ST8SIA4: variants seen among roughly 807,000 people sequenced by gnomAD.
The protein encoded by ST8SIA4 is ST8 alpha-N-acetyl-neuraminide alpha-2,8-sialyltransferase 4.
A neutral mutation model predicts 33.9 loss-of-function variants in ST8SIA4; 15 were observed. The ratio of observed to expected loss-of-function variants is 0.44; its 90% CI spans 0.30 to 0.68. The LOEUF (loss-of-function observed/expected upper bound fraction) is 0.68. ST8SIA4 is among the 30% of genes least tolerant of loss of function. The probability of loss-of-function intolerance (pLI) is 0.10; values close to 1 mark genes in which losing one functional copy is unlikely to be tolerated. For synonymous variants in ST8SIA4, 171 were observed against 151.2 expected (o/e 1.13, Z -0.96); for missense variants, 321 against 428.0 (o/e 0.75, Z 2.21).
At chr5:100,877,921 C>T (rs1418895269) in intron 3 of ST8SIA4, among the ~76,000 whole-genome samples, 2 of 152,142 alleles carry the variant, frequency 1.3e-5, no homozygotes, top group African/African-American at 4.8e-5. Flanking sequence ...TTTACTCCTC[C>T]GTCTTTACTA....
intron 3 of ST8SIA4, among the ~76,000 whole-genome samples, chr5:100,871,972 T>C (rs1752205971): frequency 6.6e-6 from 1 of 152,096 alleles, no homozygotes; most frequent in Non-Finnish European, 1.5e-5. Context: ...CTGTATTTTC[T>C]TGTAAAGGTT....
intron 4 of ST8SIA4, among the ~76,000 whole-genome samples, chr5:100,840,484 C>T (rs1007627225): frequency 6.6e-6 from 1 of 151,514 alleles, no homozygotes; most frequent in African/African-American, 2.4e-5. Flanking sequence ...GAAAATGTTC[C>T]CTAATATCAT....
intron 2 of ST8SIA4, among the ~76,000 whole-genome samples, chr5:100,891,300 T>G (rs537661805): frequency 6.6e-6 from 1 of 151,992 alleles, no homozygotes; most frequent in South Asian, 2.1e-4. Context: ...TCACTGTAAA[T>G]TAAGTTAGTA....
intron 4 of ST8SIA4, among the ~76,000 whole-genome samples, chr5:100,824,739 A>G (rs1751102467): frequency 6.6e-6 from 1 of 152,100 alleles, no homozygotes; most frequent in African/African-American, 2.4e-5. Flanking sequence ...AGTTCCTCCA[A>G]TGGCTGCCTA....
chr5:100,858,738 T>A (rs1410978609), intron 3 of ST8SIA4, among the ~76,000 whole-genome samples: 1 of 152,088 alleles, frequency 6.6e-6, no homozygotes, highest in Non-Finnish European at 1.5e-5. Context: ...ATATTTGATT[T>A]AATTAATGAA....
intron 4 of ST8SIA4, among the ~76,000 whole-genome samples, chr5:100,843,357 G>A (rs1751507268): frequency 6.6e-6 from 1 of 151,720 alleles, no homozygotes; most frequent in Non-Finnish European, 1.5e-5. Context: ...TTTATTCTTA[G>A]TTAGAAATAA....
chr5:100,863,640 T>TA (rs1342273072), intron 3 of ST8SIA4, among the ~76,000 whole-genome samples: 15 of 152,064 alleles, frequency 9.9e-5, no homozygotes, highest in Non-Finnish European at 1.8e-4. Flanking sequence ...ATTGCTGAAA[T>TA]AAAAAAATCT....
At chr5:100,896,351 G>A (rs1752779614) in intron 1 of ST8SIA4, among the ~76,000 whole-genome samples, 1 of 152,006 alleles carries the variant, frequency 6.6e-6, no homozygotes, top group Admixed American at 6.6e-5. Flanking sequence ...GTAAAACATA[G>A]AGATAAATAC....
chr5:100,864,622 A>T (rs1195833745), intron 3 of ST8SIA4, among the ~76,000 whole-genome samples: 1 of 151,360 alleles, frequency 6.6e-6, no homozygotes, highest in Non-Finnish European at 1.5e-5. Context: ...CAAATTCTGA[A>T]ATGGCAACAA....
intron 4 of ST8SIA4, among the ~76,000 whole-genome samples, chr5:100,828,952 G>A (rs1751197061): frequency 6.6e-6 from 1 of 152,100 alleles, no homozygotes. Flanking sequence ...GACTCACTAT[G>A]AAATAACGAC....
chr5:100,816,690 T>A, intron 4 of ST8SIA4: 1 of 453,758 alleles, frequency 2.2e-6, no homozygotes, highest in South Asian at 1.7e-5. Flanking sequence ...AATGTTATAT[T>A]ATAAGCAAAG....
At chr5:100,878,981 C>T (rs1373915801) in intron 3 of ST8SIA4, among the ~76,000 whole-genome samples, 18 of 151,998 alleles carry the variant, frequency 1.2e-4, no homozygotes, top group Admixed American at 2.6e-4. Context: ...TCTATAATCC[C>T]GTACCGCATG....
At chr5:100,880,496 C>T (rs796268421) in intron 3 of ST8SIA4, among the ~76,000 whole-genome samples, 9 of 152,262 alleles carry the variant, frequency 5.9e-5, no homozygotes, top group African/African-American at 2.2e-4. Flanking sequence ...AAATGACTGG[C>T]AGGCACATCG....
At chr5:100,834,231 C>G (rs1005575292) in intron 4 of ST8SIA4, among the ~76,000 whole-genome samples, 4 of 152,070 alleles carry the variant, frequency 2.6e-5, no homozygotes, top group South Asian at 4.1e-4. Context: ...AAACATAGAA[C>G]GCTCTAGTGA....
At chr5:100,896,528 T>C (rs1752783403) in intron 1 of ST8SIA4, among the ~76,000 whole-genome samples, 1 of 152,104 alleles carries the variant, frequency 6.6e-6, no homozygotes, top group African/African-American at 2.4e-5. Flanking sequence ...ACACAGTGAC[T>C]ATAGTTAATA....
chr5:100,902,905 C>G lies in ST8SIA4; in HGVS notation c.51G>C (p.Leu17=). ...CTATTTCTTTTGTCTTATAAAAGAT[C>G]AGGAGCAGACTTATTGTGCAGATCG... ...RWTICTISLL[L]IFYKTKEIAR... The change falls in exon 1 of 5, where the codon CTG becomes CTC. Residue 17 remains leucine (L), a synonymous_variant. Coordinates refer to ENST00000231461, the MANE Select transcript of ST8SIA4 (RefSeq NM_005668.6). 1 of 1,614,210 alleles carries G rather than the reference C, an allele frequency of 6.2e-7. No individual in the cohort carries two copies. The highest frequency in any genetic ancestry group is 8.5e-7 in the Non-Finnish European group (1 of 1,180,036).
intron 4 of ST8SIA4, among the ~76,000 whole-genome samples, chr5:100,827,250 G>A (rs971270593): frequency 1.3e-5 from 2 of 152,026 alleles, no homozygotes; most frequent in African/African-American, 4.8e-5. Flanking sequence ...TTAAATCTAC[G>A]TTGTGAAAAC....
At chr5:100,898,864 A>T (rs964698171) in intron 1 of ST8SIA4, among the ~76,000 whole-genome samples, 1 of 152,226 alleles carries the variant, frequency 6.6e-6, no homozygotes, top group Non-Finnish European at 1.5e-5. Flanking sequence ...TGTACTTTTA[A>T]AAGGAAAATA....
chr5:100,830,781 C>T (rs1176690438), intron 4 of ST8SIA4, among the ~76,000 whole-genome samples: 3 of 152,010 alleles, frequency 2.0e-5, no homozygotes, highest in Non-Finnish European at 4.4e-5. Flanking sequence ...CATAAATGTA[C>T]AAATATGCAA....
Sources: gnomAD v4.1 joint callset for allele counts (sites outside exome capture counted in the v4.1 genomes callset) on GRCh38, gnomAD v4.1.1 for gene constraint, MANE v1.5 for transcripts, NCBI Gene and HGNC (gene_info 2026-07-23, HGNC 2026-07-21) for gene names.